The following FCN1 variants were observed in gnomAD, a reference collection of about 807,000 sequenced individuals.
FCN1 encodes ficolin-1.
Under a neutral mutation model 35.6 loss-of-function variants are expected in FCN1, and 42 were observed. The ratio of observed to expected loss-of-function variants is 1.18; its 90% CI spans 0.92 to 1.53. FCN1 has a LOEUF of 1.53. FCN1 is among the 40% of genes most tolerant of loss of function. The probability of loss-of-function intolerance (pLI) is 0.00; values close to 1 mark genes in which losing one functional copy is unlikely to be tolerated. For synonymous variants in FCN1, 179 were observed against 169.8 expected (o/e 1.05, Z -0.42); for missense variants, 439 against 428.4 (o/e 1.02, Z -0.22).
chr9:134,912,705 G>T, intron 6 of FCN1, 90 bp from the exon 7 acceptor site: 2 of 1,561,786 alleles, frequency 1.3e-6, no homozygotes, highest in Non-Finnish European at 1.8e-6. Context: ...AGCATTTGTA[G>T]TTGGCAGAGC....
At position 134,913,586 on chromosome 9, in the gene FCN1, G is replaced by T; in HGVS notation, c.335C>A (p.Ala112Glu). The T allele has an allele frequency of 1.9e-6, 3 of 1,605,950 alleles. No homozygotes were observed. Among genetic ancestry groups the T allele is most frequent in the Non-Finnish European group, 1.7e-6 (2 of 1,175,346 alleles). Residue 112 changes from alanine to glutamate, a missense_variant, in exon 5 of 9, where the codon GCG becomes GAG. Coordinates refer to ENST00000371806, the MANE Select transcript of FCN1 (RefSeq NM_002003.5). ...KGDAGQSQSC[A>E]TGPRNCKDLL... ...GTCAGGGTGTGATCAGTCACCTGTCGCACACGACTGAGACTGCCCAGCGTC... is the reference window on the plus strand; with the variant it reads ...GTCAGGGTGTGATCAGTCACCTGTCTCACACGACTGAGACTGCCCAGCGTC...
In FCN1 at chr9:134,907,670, T is replaced by G. The variant is rs761503307; in HGVS notation, c.*2128A>C. The G allele has an allele frequency of 6.6e-6, 1 of 152,342 alleles. No homozygotes were observed. Among genetic ancestry groups the G allele is most frequent in the Non-Finnish European group, 1.5e-5 (1 of 68,030 alleles). 9.4% of individuals were successfully genotyped at this position (152,342 alleles called of 1,614,324 possible). A position where few individuals can be genotyped will look rare whatever the true frequency, so the allele number is the denominator to read the frequency against. ...CAAAATACCATTGGCTACTTTTGCT[T>G]TTGAAAAACTTTATCTACAATGGAA... On this transcript the variant is annotated 3_prime_UTR_variant, in exon 9 of 9. Coordinates refer to ENST00000371806, the MANE Select transcript of FCN1 (RefSeq NM_002003.5).
chr9:134,917,197 T>C (rs947834940), intron 1 of FCN1, among the ~76,000 whole-genome samples: 1 of 152,202 alleles, frequency 6.6e-6, no homozygotes, highest in Non-Finnish European at 1.5e-5. Context: ...TGTAATTTAC[T>C]ATTTATGTTT....
chr9:134,911,073 G>C, intron 8 of FCN1, 60 bp downstream of exon 8: 1 of 1,587,314 alleles, frequency 6.3e-7, no homozygotes, highest in Non-Finnish European at 8.6e-7. Flanking sequence ...GGGAGACAGA[G>C]CCAGGTTCTC....
chr9:134,911,044 G>T, intron 8 of FCN1, 89 bp downstream of exon 8: 2 of 1,343,658 alleles, frequency 1.5e-6, no homozygotes, highest in African/African-American at 2.9e-5. Context: ...TCAGAGAGAG[G>T]AGGGCCCAAG....
At chr9:134,913,169 T>TGCAGGACGGGGGCCCTGG in intron 5 of FCN1, 26 bp from the exon 6 acceptor site, 1 of 1,611,816 alleles carries the variant, frequency 6.2e-7, no homozygotes, top group Non-Finnish European at 8.5e-7. Context: ...GGGGAATGGC[T>TGCAGGACGGGGGCCCTGG]GCAGGACGGG....
rs773412818 is a variant in FCN1 at position 134,912,985 on chromosome 9, G to A, written c.468+31C>T. ...GCAGCCTGGCCTCCGGGACTCCCAG[G>A]CTGACCGCCTCTGCCCAGCCCCACA... On this transcript the variant is annotated intron_variant, in intron 6 of 8. Transcript: ENST00000371806. 6 of 1,600,604 alleles carry A rather than the reference G, an allele frequency of 3.7e-6. No individual in the cohort carries two copies. In the South Asian group the frequency reaches 4.5e-5, roughly 12 times the overall value.
At chr9:134,910,119 C>T in intron 8 of FCN1, 74 bp from the exon 9 acceptor site, 1 of 1,379,266 alleles carries the variant, frequency 7.3e-7, no homozygotes, top group African/African-American at 1.4e-5. Context: ...CCACATCCTG[C>T]CTCTGAGCAG....
In FCN1 at chr9:134,908,488, AC is replaced by A. The variant is rs1352564435; in HGVS notation, c.*1309del. 1.3e-5 allele frequency: 2 copies of A among 152,222 alleles called. No homozygotes were observed. The highest frequency in any genetic ancestry group is 2.9e-5 in the Non-Finnish European group (2 of 68,134). 9.4% of individuals were successfully genotyped at this position (152,222 alleles called of 1,614,324 possible). On this transcript the variant is annotated 3_prime_UTR_variant, in exon 9 of 9. Transcript: ENST00000371806. ...TTTGCTGATGTGGTTAGGGATAGAGACCTGGACATGGGAGAGGATCCCAGAT... is the reference window on the plus strand; with the variant it reads ...TTTGCTGATGTGGTTAGGGATAGAGACTGGACATGGGAGAGGATCCCAGAT...
In FCN1 at chr9:134,906,009, T is replaced by G. The variant is rs1473671778; in HGVS notation, c.*3789A>C. 1 of 154,198 alleles carries G rather than the reference T, an allele frequency of 6.5e-6. No individual in the cohort carries two copies. Among genetic ancestry groups the G allele is most frequent in the Non-Finnish European group, 1.4e-5 (1 of 72,548 alleles). 9.6% of individuals were successfully genotyped at this position (154,198 alleles called of 1,614,324 possible). A position where few individuals can be genotyped will look rare whatever the true frequency, so the allele number is the denominator to read the frequency against. ...CTTCTTTTTATTTTTATTTTTTTTT[T>G]GAGGCGGAATCTCGCTCTGTTCCCC... On this transcript the variant is annotated 3_prime_UTR_variant, in exon 9 of 9. Transcript: ENST00000371806.
Position 134,909,286 on chromosome 9 carries a change from G to A in FCN1, c.*512C>T. On this transcript the variant is annotated 3_prime_UTR_variant, in exon 9 of 9. Coordinates refer to ENST00000371806, the MANE Select transcript of FCN1 (RefSeq NM_002003.5). ...ACTAAACTTTCCCCCTTTTTAGTAA[G>A]TGTTTTCTGGACCCCAAAGTGACCT... 7.8e-7 allele frequency: 1 copy of A among 1,289,592 alleles called. No individual in the cohort carries two copies. Among genetic ancestry groups the A allele is most frequent in the South Asian group, 1.2e-5 (1 of 81,026 alleles). 79.9% of individuals were successfully genotyped at this position (1,289,592 alleles called of 1,614,324 possible).
rs1294068463 is a variant in FCN1, at chr9:134,904,472, C to T, written c.*5326G>A. Among the ~76,000 whole-genome samples, 1 of 152,112 alleles carries T rather than the reference C, an allele frequency of 6.6e-6. No homozygotes were observed. The highest frequency in any genetic ancestry group is 6.5e-5 in the Admixed American group (1 of 15,270). ...AAAAGTGGACAGAATTCATCCTCAG[C>T]AGACTTTCATCAAAAAATATATGAG... On this transcript the variant is annotated 3_prime_UTR_variant, in exon 9 of 9. Transcript: ENST00000371806.
At position 134,908,401 on chromosome 9, in the gene FCN1, A is replaced by G. The variant is rs1537189; in HGVS notation, c.*1397T>C. ...CTGCCCCCACCACTGCCCCGCCAAA[A>G]ATGTCCTGCCCTAATACACACAAAG... On this transcript the variant is annotated 3_prime_UTR_variant, in exon 9 of 9. Coordinates refer to ENST00000371806, the MANE Select transcript of FCN1 (RefSeq NM_002003.5). 0.68 allele frequency: 103,481 copies of G among 152,114 alleles called. 36,324 individuals are homozygous for G. Among genetic ancestry groups the G allele is most frequent in the African/African-American group, 0.86 (35,637 of 41,508 alleles). 9.4% of individuals were successfully genotyped at this position (152,114 alleles called of 1,614,324 possible).
At chr9:134,912,157 G>T (rs1831031385) in intron 7 of FCN1, among the ~76,000 whole-genome samples, 2 of 152,186 alleles carry the variant, frequency 1.3e-5, no homozygotes, top group Admixed American at 1.3e-4. Flanking sequence ...TAAGATGCCA[G>T]CTTCAGAGGC....
At chr9:134,916,297 A>AAGAGCC (rs750519667) in intron 2 of FCN1, 51 bp downstream of exon 2, 5 of 1,365,844 alleles carry the variant, frequency 3.7e-6, no homozygotes, top group East Asian at 4.6e-5. Flanking sequence ...CATAAAGAGC[A>AAGAGCC]AGAGCCAGTG....
intron 4 of FCN1, 48 bp downstream of exon 4, chr9:134,914,337 C>A (rs779194232): frequency 6.3e-7 from 1 of 1,588,602 alleles, no homozygotes; most frequent in Non-Finnish European, 8.6e-7. Flanking sequence ...GACCCCTCCC[C>A]TGGACAAAGC....
At chr9:134,913,195 A>C in intron 5 of FCN1, 52 bp from the exon 6 acceptor site, 1 of 1,608,582 alleles carries the variant, frequency 6.2e-7, no homozygotes, top group Non-Finnish European at 8.5e-7. Flanking sequence ...TGGGCAGGAC[A>C]GGGGCAGTGG....
rs1466644322 is a variant in FCN1 at position 134,909,422 on chromosome 9, A to G, written c.*376T>C. The G allele has an allele frequency of 2.3e-6, 3 of 1,290,540 alleles. No individual in the cohort carries two copies. The highest frequency in any genetic ancestry group is 3.0e-5 in the African/African-American group (2 of 65,930). 79.9% of individuals were successfully genotyped at this position (1,290,540 alleles called of 1,614,324 possible). On this transcript the variant is annotated 3_prime_UTR_variant, in exon 9 of 9. Transcript: ENST00000371806. Reference sequence around the variant, plus strand: ...TTACTGGAGGTGGAAAATCCTCGCAAAAGTCACTCAACCTCCCTGAACATC... The same window carrying G: ...TTACTGGAGGTGGAAAATCCTCGCAGAAGTCACTCAACCTCCCTGAACATC...
At position 134,905,974 on chromosome 9, in the gene FCN1, T is replaced by TCTCCTTCTCCTC. The variant is rs1564215749; in HGVS notation, c.*3823_*3824insGAGGAGAAGGAG. 5.0e-4 allele frequency: 62 copies of TCTCCTTCTCCTC among 124,026 alleles called. No individual in the cohort carries two copies. Among genetic ancestry groups the TCTCCTTCTCCTC allele is most frequent in the Middle Eastern group, 3.7e-3 (1 of 268 alleles). The allele number at this position is 124,026 out of a possible 1,614,324, so 7.7% of individuals were successfully genotyped here. ...CCCTCTCCCTCTCCCTCTTTCTCCT[T>TCTCCTTCTCCTC]CTTCTTCTTCTTCTTTTTATTTTTA... On this transcript the variant is annotated 3_prime_UTR_variant, in exon 9 of 9. Coordinates refer to ENST00000371806, the MANE Select transcript of FCN1 (RefSeq NM_002003.5).
Sources: gnomAD v4.1 joint callset for allele counts (sites outside exome capture counted in the v4.1 genomes callset) on GRCh38, gnomAD v4.1.1 for gene constraint, MANE v1.5 for transcripts, NCBI Gene and HGNC (gene_info 2026-07-23, HGNC 2026-07-21) for gene names.